Variants in EEF2 observed in about 807,000 individuals in gnomAD.
EEF2 encodes eukaryotic translation elongation factor 2.
Under a neutral mutation model 85.3 loss-of-function variants are expected in EEF2, and 21 were observed. The ratio of observed to expected loss-of-function variants is 0.25; its 90% CI spans 0.17 to 0.35. EEF2 has a LOEUF of 0.35. Ranked by LOEUF, EEF2 falls within the 10% of genes least tolerant of loss-of-function variation. The pLI is 1.00. For missense variants in EEF2, 825 were observed against 1,225.3 expected (o/e 0.67, Z 4.88); for synonymous variants, 723 against 508.8 (o/e 1.42, Z -5.67).
In EEF2 at chr19:3,982,583, GC is replaced by G. The variant is rs1568202050; in HGVS notation, c.613-160del. On this transcript the variant is annotated intron_variant, in intron 4 of 14. Coordinates refer to ENST00000309311, the MANE Select transcript of EEF2 (RefSeq NM_001961.4). ...TCAGTCATCACGAATAGGGGGGCCA[GC>G]CCCTCCACCACCCAGGGCAGCGTTC... The G allele has an allele frequency of 5.4e-6, 6 of 1,103,036 alleles. No individual in the cohort carries two copies. The Admixed American group carries it at 1.1e-4, about 19-fold the overall frequency. 68.3% of individuals were successfully genotyped at this position (1,103,036 alleles called of 1,614,324 possible). A position where few individuals can be genotyped will look rare whatever the true frequency, so the allele number is the denominator to read the frequency against.
At chr19:3,980,454 T>G in intron 9 of EEF2, 60 bp downstream of exon 9, 1 of 1,544,024 alleles carries the variant, frequency 6.5e-7, no homozygotes, top group Non-Finnish European at 8.8e-7. Context: ...AGCCCAAGAC[T>G]TGGAGCAGGG....
intron 1 of EEF2, 33 bp downstream of exon 1, chr19:3,985,345 G>A: frequency 2.7e-6 from 4 of 1,461,312 alleles, no homozygotes; most frequent in African/African-American, 1.4e-5. Flanking sequence ...CCCCGCCGCC[G>A]CTCCGGGGCA....
Position 3,977,164 on chromosome 19 carries a change from C to A in EEF2, c.2383+51G>T, listed in dbSNP as rs553260662. The A allele has an allele frequency of 1.3e-6, 2 of 1,594,454 alleles. No individual in the cohort carries two copies. The highest frequency in any genetic ancestry group is 1.7e-5 in the Admixed American group (1 of 58,648). On this transcript the variant is annotated intron_variant, in intron 14 of 14. Transcript: ENST00000309311. The surrounding 1 kb of genome is among the most constrained non-coding windows in gnomAD (Gnocchi z 5.4). Reference sequence around the variant, plus strand: ...TTGCTAAGCTTAACTGGGCTTCTGTCCCCCAAACCAGCCTGCCAGGCTCTG... The same window carrying A: ...TTGCTAAGCTTAACTGGGCTTCTGTACCCCAAACCAGCCTGCCAGGCTCTG...
intron 1 of EEF2, among the ~76,000 whole-genome samples, 198 bp from the exon 2 acceptor site, chr19:3,984,548 G>A (rs780953409): frequency 3.9e-5 from 6 of 152,168 alleles, no homozygotes; most frequent in Non-Finnish European, 5.9e-5. Flanking sequence ...CCGTTAATAG[G>A]TGTCATTCAT....
chr19:3,980,197 G>A (rs2039727734), intron 9 of EEF2, 131 bp from the exon 10 acceptor site: 3 of 1,308,252 alleles, frequency 2.3e-6, no homozygotes, highest in Non-Finnish European at 3.1e-6. Flanking sequence ...CTTCCACAAG[G>A]CCCTGACTGC....
At chr19:3,979,233 G>A (rs1442745861) in intron 11 of EEF2, 96 bp downstream of exon 11, 6 of 938,986 alleles carry the variant, frequency 6.4e-6, no homozygotes, top group South Asian at 1.4e-5. Flanking sequence ...CCGAGATCAA[G>A]TCTAGGCGTC....
In EEF2 at chr19:3,976,497, C is replaced by T. The variant is rs1316487596; in HGVS notation, c.*57G>A. On this transcript the variant is annotated 3_prime_UTR_variant, in exon 15 of 15. Transcript: ENST00000309311. ...CAGGTGTCGTCTGAGAATTCGAGGA[C>T]GTGGTGCTGTGGGTGCTGCGAGTCC... 2.8e-5 allele frequency: 43 copies of T among 1,545,170 alleles called. No individual in the cohort carries two copies. Among genetic ancestry groups the T allele is most frequent in the Non-Finnish European group, 3.5e-5 (40 of 1,144,386 alleles).
At position 3,977,358 on chromosome 19, in the gene EEF2, G is replaced by C. The variant is rs767795812; in HGVS notation, c.2251-11C>G. ...CACCTGCTCTGGACACTGCCAGAAG[G>C]GAAAGAAAACCTGTCAGTGGCCGCT... On this transcript the variant is annotated splice_polypyrimidine_tract_variant and intron_variant, in intron 13 of 14. Coordinates refer to ENST00000309311, the MANE Select transcript of EEF2 (RefSeq NM_001961.4). The surrounding 1 kb of genome is among the most constrained non-coding windows in gnomAD (Gnocchi z 5.4). 3 of 1,591,002 alleles carry C rather than the reference G, an allele frequency of 1.9e-6. No homozygotes were observed. In the East Asian group the frequency reaches 6.8e-5, roughly 36 times the overall value.
At chr19:3,981,780 A>G (rs1038918137) in intron 6 of EEF2, among the ~76,000 whole-genome samples, 167 bp downstream of exon 6, 1 of 152,256 alleles carries the variant, frequency 6.6e-6, no homozygotes, top group African/African-American at 2.4e-5. Context: ...TCCAGATCTT[A>G]AGAGAGGAGC....
Position 3,976,524 on chromosome 19 carries a change from C to A in EEF2, c.*30G>T, listed in dbSNP as rs760625564. 5.7e-6 allele frequency: 9 copies of A among 1,579,182 alleles called. No individual in the cohort carries two copies. In the South Asian group the frequency reaches 9.2e-5, roughly 16 times the overall value. On this transcript the variant is annotated 3_prime_UTR_variant, in exon 15 of 15. Coordinates refer to ENST00000309311, the MANE Select transcript of EEF2 (RefSeq NM_001961.4). ...TGGTGCTGTGGGTGCTGCGAGTCCCCGGGGCGGCAGGCGCTGCAGGAAGGG... is the reference window on the plus strand; with the variant it reads ...TGGTGCTGTGGGTGCTGCGAGTCCCAGGGGCGGCAGGCGCTGCAGGAAGGG...
At chr19:3,979,294 TGGGGC>T in intron 11 of EEF2, 30 bp downstream of exon 11, 1 of 1,559,706 alleles carries the variant, frequency 6.4e-7, no homozygotes, top group Non-Finnish European at 8.8e-7. Flanking sequence ...GTGTCCGGGG[TGGGGC>T]GTGGGGAAGG....
chr19:3,980,462 G>A (rs1249534634), intron 9 of EEF2, 52 bp downstream of exon 9: 13 of 1,570,252 alleles, frequency 8.3e-6, no homozygotes, highest in Admixed American at 5.6e-5. Flanking sequence ...ACTTGGAGCA[G>A]GGCAGGGCCC....
Position 3,981,472 on chromosome 19 carries a change from A to C in EEF2, c.898-20T>G. ...AAACACCTACATTCCCCACCAAGAA[A>C]CAAGAAAGCCCATTTGGGAACAGCA... On this transcript the variant is annotated intron_variant, in intron 6 of 14. Coordinates refer to ENST00000309311, the MANE Select transcript of EEF2 (RefSeq NM_001961.4). 6.2e-7 allele frequency: 1 copy of C among 1,608,182 alleles called. No homozygotes were observed. The highest frequency in any genetic ancestry group is 1.1e-5 in the South Asian group (1 of 90,972).
Position 3,977,142 on chromosome 19 carries a change from C to T in EEF2, c.2383+73G>A. ...TCAGGACGCCTCCTTTAACACCTTG[C>T]TAAGCTTAACTGGGCTTCTGTCCCC... On this transcript the variant is annotated intron_variant, in intron 14 of 14. Coordinates refer to ENST00000309311, the MANE Select transcript of EEF2 (RefSeq NM_001961.4). The surrounding 1 kb of genome is among the most constrained non-coding windows in gnomAD (Gnocchi z 5.4). The T allele has an allele frequency of 6.4e-7, 1 of 1,572,274 alleles. No homozygotes were observed. Among genetic ancestry groups the T allele is most frequent in the Non-Finnish European group, 8.6e-7 (1 of 1,158,532 alleles).
chr19:3,978,253 T>G, intron 11 of EEF2, 81 bp from the exon 12 acceptor site: 2 of 1,270,824 alleles, frequency 1.6e-6, no homozygotes, highest in Non-Finnish European at 2.1e-6. Context: ...AAGCTTTTCC[T>G]AGCAAGGCGG....
chr19:3,979,772 G>A lies in EEF2; in HGVS notation c.1605+36C>T, dbSNP rs2039722590. 5.6e-6 allele frequency: 9 copies of A among 1,598,364 alleles called. No individual in the cohort carries two copies. The South Asian group carries it at 8.8e-5, about 16-fold the overall frequency. ...TCAGGACACAAGCCGTCCCCCCTCA[G>A]GGTGTCTGCTCCCAGCAGGTGCACT... On this transcript the variant is annotated intron_variant, in intron 10 of 14. Transcript: ENST00000309311.
intron 9 of EEF2, 60 bp downstream of exon 9, chr19:3,980,454 T>C (rs2039731415): frequency 6.5e-7 from 1 of 1,543,906 alleles, no homozygotes; most frequent in African/African-American, 1.4e-5. Context: ...AGCCCAAGAC[T>C]TGGAGCAGGG....
intron 9 of EEF2, 110 bp from the exon 10 acceptor site, chr19:3,980,176 C>A: frequency 6.9e-7 from 1 of 1,458,782 alleles, no homozygotes; most frequent in East Asian, 2.4e-5. Flanking sequence ...GGTCCCAGGG[C>A]AGACTGGTGG....
chr19:3,984,014 T>G, intron 2 of EEF2, 122 bp downstream of exon 2: 2 of 1,027,306 alleles, frequency 1.9e-6, no homozygotes, highest in Non-Finnish European at 2.9e-6. Context: ...CATTCTCCCA[T>G]GAATTAAGAA....
Sources: gnomAD v4.1 joint callset for allele counts (sites outside exome capture counted in the v4.1 genomes callset) on GRCh38, gnomAD v4.1.1 for gene constraint, Gnocchi (gnomAD v3.1) non-coding constraint, MANE v1.5 for transcripts, NCBI Gene and HGNC (gene_info 2026-07-23, HGNC 2026-07-21) for gene names.